Variants in NKAIN3 observed in about 807,000 individuals in gnomAD.
NKAIN3 encodes sodium/potassium-transporting ATPase subunit beta-1-interacting protein 3.
NKAIN3 carries 25 observed loss-of-function variants against 30.2 expected under a neutral mutation model. That is an observed-to-expected ratio of 0.83 (90% CI 0.60 to 1.16). The LOEUF (loss-of-function observed/expected upper bound fraction) is 1.16, where lower values mean the gene tolerates loss of function less well. NKAIN3 is among the 50% of genes most tolerant of loss of function. The pLI is 0.00. For synonymous variants in NKAIN3, 91 were observed against 89.6 expected (o/e 1.02, Z -0.09); for missense variants, 225 against 254.1 (o/e 0.89, Z 0.78).
intron 1 of NKAIN3, among the ~76,000 whole-genome samples, chr8:62,514,809 T>A (rs1807930913): frequency 6.6e-6 from 1 of 152,076 alleles, no homozygotes; most frequent in African/African-American, 2.4e-5. Context: ...CACCGATCTC[T>A]CTTTCCTTCT....
intron 4 of NKAIN3, among the ~76,000 whole-genome samples, chr8:62,827,419 T>C (rs1250952308): frequency 6.6e-6 from 1 of 152,242 alleles, no homozygotes; most frequent in East Asian, 1.9e-4. Context: ...TTTGCTCTCA[T>C]AATGTGATTT....
chr8:62,399,603 G>A (rs1817873450), intron 1 of NKAIN3, among the ~76,000 whole-genome samples: 1 of 152,156 alleles, frequency 6.6e-6, no homozygotes, highest in African/African-American at 2.4e-5. Flanking sequence ...AGAATGGAGA[G>A]TGTGGTAAAT....
At chr8:62,914,777 C>CTT (rs34474788) in intron 4 of NKAIN3, among the ~76,000 whole-genome samples, 3,334 of 112,082 alleles carry the variant, frequency 0.03, 131 homozygotes, top group African/African-American at 0.092. Flanking sequence ...TTACTGTAAT[C>CTT]TTTTTTTTTT....
chr8:62,926,402 C>T (rs910211439), intron 5 of NKAIN3, among the ~76,000 whole-genome samples: 1 of 152,214 alleles, frequency 6.6e-6, no homozygotes, highest in Non-Finnish European at 1.5e-5. Context: ...ACCTCCACTT[C>T]TGCACGTCTG....
intron 3 of NKAIN3, among the ~76,000 whole-genome samples, chr8:62,637,643 T>A (rs976143749): frequency 2.0e-5 from 3 of 152,154 alleles, no homozygotes; most frequent in South Asian, 2.1e-4. Context: ...CTAGAATTCC[T>A]GGGCATTTGT....
At chr8:62,544,918 C>A (rs1381224898) in intron 1 of NKAIN3, among the ~76,000 whole-genome samples, 1 of 151,892 alleles carries the variant, frequency 6.6e-6, no homozygotes, top group Non-Finnish European at 1.5e-5. Flanking sequence ...ATAAAATAAA[C>A]TGGAGAAAAG....
chr8:62,815,810 C>A (rs894748305), intron 4 of NKAIN3, among the ~76,000 whole-genome samples: 11 of 151,826 alleles, frequency 7.2e-5, no homozygotes, highest in African/African-American at 2.7e-4. Flanking sequence ...TTGATCTAGT[C>A]TATTGTGGAA....
chr8:62,685,719 C>T (rs945351573), intron 3 of NKAIN3, among the ~76,000 whole-genome samples: 1 of 152,156 alleles, frequency 6.6e-6, no homozygotes, highest in Non-Finnish European at 1.5e-5. Flanking sequence ...AAGAAGTTAC[C>T]TGCAAAAGTG....
In NKAIN3 at chr8:62,974,502, C is replaced by T. The variant is rs1005889967; in HGVS notation, c.*9095C>T. Among the ~76,000 whole-genome samples the T allele has an allele frequency of 3.9e-5, 6 of 152,146 alleles. No homozygotes were observed. The highest frequency in any genetic ancestry group is 7.3e-5 in the Non-Finnish European group (5 of 68,034). On this transcript the variant is annotated 3_prime_UTR_variant, in exon 7 of 7. Transcript: ENST00000623646. ...TATAGGAATGCTTGTGATTTTTGCA[C>T]ATTGATTTTGTATCCTGCAACTTTG...
intron 1 of NKAIN3, among the ~76,000 whole-genome samples, chr8:62,448,452 C>G (rs1805547990): frequency 6.9e-6 from 1 of 144,102 alleles, no homozygotes; most frequent in South Asian, 2.2e-4. Flanking sequence ...ATAATAGTAA[C>G]ATATTGTAGA....
chr8:62,335,990 A>G (rs956211636), intron 1 of NKAIN3, among the ~76,000 whole-genome samples: 3 of 152,100 alleles, frequency 2.0e-5, no homozygotes, highest in Admixed American at 1.3e-4. Context: ...GACATATATT[A>G]TGATTTCTAT....
At chr8:62,799,433 C>T (rs557728625) in intron 4 of NKAIN3, among the ~76,000 whole-genome samples, 2 of 152,198 alleles carry the variant, frequency 1.3e-5, no homozygotes, top group Non-Finnish European at 2.9e-5. Flanking sequence ...AGCCAACAAG[C>T]ATACGGAAAA....
chr8:62,978,845 T>C lies in NKAIN3; in HGVS notation c.*13438T>C, dbSNP rs188082646. 7.5e-4 allele frequency: 115 copies of C among 154,310 alleles called. 1 individual carries two copies. The highest frequency in any genetic ancestry group is 2.6e-3 in the African/African-American group (110 of 41,580). 9.6% of individuals were successfully genotyped at this position (154,310 alleles called of 1,614,324 possible). On this transcript the variant is annotated 3_prime_UTR_variant, in exon 7 of 7. Transcript: ENST00000623646. The stretch of plus-strand genomic sequence containing the variant: ...CTTGAAATCCAGGGCCCTTGTGGTG[T>C]AGGCACCCAAGGGATCTCCTTGTCT...
Position 62,978,932 on chromosome 8 carries a change from GCATGGTCCCT to G in NKAIN3, c.*13531_*13540del, listed in dbSNP as rs1824012899. The G allele has an allele frequency of 6.5e-6, 1 of 153,296 alleles. No individual in the cohort carries two copies. Among genetic ancestry groups the G allele is most frequent in the Non-Finnish European group, 1.5e-5 (1 of 68,230 alleles). 9.5% of individuals were successfully genotyped at this position (153,296 alleles called of 1,614,324 possible). ...GGACCGGAGTGCACCCCCACTCACG[GCATGGTCCCT>G]CATGGCTTCCCTTGGCTAGGGGAGG... On this transcript the variant is annotated 3_prime_UTR_variant, in exon 7 of 7. Transcript: ENST00000623646.
intron 1 of NKAIN3, among the ~76,000 whole-genome samples, chr8:62,358,229 G>T (rs917293519): frequency 6.6e-5 from 9 of 136,310 alleles, no homozygotes; most frequent in South Asian, 5.0e-4. Flanking sequence ...GCTAATTAAT[G>T]ATCTTATACC....
chr8:62,901,980 G>T (rs971167166), intron 4 of NKAIN3, among the ~76,000 whole-genome samples: 15 of 152,170 alleles, frequency 9.9e-5, no homozygotes, highest in Non-Finnish European at 1.9e-4. Flanking sequence ...GCTGCTCAGT[G>T]AGAAGCAGAC....
intron 1 of NKAIN3, among the ~76,000 whole-genome samples, chr8:62,349,607 C>T (rs774934639): frequency 6.6e-6 from 1 of 152,078 alleles, no homozygotes; most frequent in South Asian, 2.1e-4. Context: ...AGCATATGCA[C>T]GTGGTACAGG....
chr8:62,291,039 G>T (rs34117242), intron 1 of NKAIN3, among the ~76,000 whole-genome samples: 1 of 152,148 alleles, frequency 6.6e-6, no homozygotes, highest in African/African-American at 2.4e-5. Flanking sequence ...GGTGTTTGTA[G>T]TATTCTGTGA....
At chr8:62,739,663 T>C (rs1332497572) in intron 3 of NKAIN3, among the ~76,000 whole-genome samples, 4 of 152,168 alleles carry the variant, frequency 2.6e-5, no homozygotes, top group Non-Finnish European at 5.9e-5. Context: ...TAAGGCTTCA[T>C]TGCTCCCTGA....
Sources: gnomAD v4.1 joint callset for allele counts (sites outside exome capture counted in the v4.1 genomes callset) on GRCh38, gnomAD v4.1.1 for gene constraint, MANE v1.5 for transcripts, NCBI Gene and HGNC (gene_info 2026-07-23, HGNC 2026-07-21) for gene names.